The following PUM1 variants were observed in gnomAD, a reference collection of about 807,000 sequenced individuals.
The protein encoded by PUM1 is pumilio homolog 1.
PUM1 carries 13 observed loss-of-function variants against 131.8 expected under a neutral mutation model. The observed-to-expected ratio is 0.10, with a 90% CI of 0.06 to 0.16. PUM1 has a LOEUF of 0.16. PUM1 is among the 10% of genes least tolerant of loss of function. The pLI is 1.00. For missense variants in PUM1, 961 were observed against 1,512.4 expected, an observed-to-expected ratio of 0.64 and a Z score of 6.05; for synonymous variants, 509 against 556.5, an observed-to-expected ratio of 0.91 and a Z score of 1.20.
chr1:31,026,066 A>G (rs1177012019), intron 3 of PUM1, among the ~76,000 whole-genome samples: 1 of 152,016 alleles, frequency 6.6e-6, no homozygotes, highest in Non-Finnish European at 1.5e-5. Context: ...AGCCTGGGCA[A>G]CACAGTGAAA....
At chr1:30,933,427 A>G (rs1639039548) in intron 21 of PUM1, 85 bp from the exon 22 acceptor site, 1 of 978,354 alleles carries the variant, frequency 1.0e-6, no homozygotes, top group African/African-American at 1.7e-5. Flanking sequence ...CATGTCATGC[A>G]TCACACACAC....
Position 30,967,217 on chromosome 1 carries a change from C to T in PUM1, c.1739G>A (p.Arg580Gln). The change falls in exon 12 of 22, where the codon CGA becomes CAA. Residue 580 changes from arginine (R) to glutamine (Q), a missense_variant. Around this residue, in one of 4 missense-constraint regions of PUM1, gnomAD observed 654 missense variants for 923.9 expected, o/e 0.71. Coordinates refer to ENST00000426105, the MANE Select transcript of PUM1 (RefSeq NM_001020658.2). The stretch of plus-strand genomic sequence containing the variant: ...GATGACTGGGGCAGGAGCTACAAGT[C>T]GAACAGGAGCTCCAAGACCATTTCT... ...GARNGLGAPVRLVAPAPVIIS... is the reference protein window; with the variant it reads ...GARNGLGAPVQLVAPAPVIIS... 2 of 1,614,054 alleles carry T rather than the reference C, an allele frequency of 1.2e-6. No homozygotes were observed. Among genetic ancestry groups the T allele is most frequent in the South Asian group, 1.1e-5 (1 of 91,072 alleles).
At chr1:30,969,328 A>C (rs1244110996) in intron 10 of PUM1, among the ~76,000 whole-genome samples, 1 of 146,736 alleles carries the variant, frequency 6.8e-6, no homozygotes, top group African/African-American at 2.5e-5. Context: ...AAAAAAAAAA[A>C]AAAAAAAAGA....
intron 9 of PUM1, 121 bp downstream of exon 9, chr1:30,979,941 T>C (rs41307900): frequency 0.013 from 9,080 of 678,146 alleles, 83 homozygotes; most frequent in Admixed American, 0.022. Flanking sequence ...GTAGATGGCA[T>C]TGAAAATCTG....
intron 14 of PUM1, among the ~76,000 whole-genome samples, chr1:30,957,979 A>C (rs1308405440): frequency 6.6e-6 from 1 of 152,254 alleles, no homozygotes; most frequent in African/African-American, 2.4e-5. Flanking sequence ...TAATTGTCAC[A>C]TGGTTGGTTT....
chr1:30,953,903 G>A lies in PUM1; in HGVS notation c.2402C>T (p.Ala801Val), dbSNP rs571532166. 4.3e-6 allele frequency: 7 copies of A among 1,614,210 alleles called. No individual in the cohort carries two copies. The Admixed American group carries it at 1.2e-4, about 27-fold the overall frequency. Residue 801 changes from alanine (A) to valine (V), a missense_variant, in exon 15 of 22, where the codon GCC becomes GTC. Ala to Val is a moderately conservative substitution (Grantham distance 64). Transcript: ENST00000426105. ...GCTGCTCGGGCTGAAGAGGCTGGAG[G>A]CGCTGCTTGCACTGCGGTACTTGGC... Reference protein sequence around the residue: ...AEAKYRSASSASSLFSPSSTL... With the variant: ...AEAKYRSASSVSSLFSPSSTL...
chr1:31,040,621 C>T (rs1409783911), intron 2 of PUM1, among the ~76,000 whole-genome samples: 1 of 152,094 alleles, frequency 6.6e-6, no homozygotes, highest in Admixed American at 6.6e-5. Flanking sequence ...GACCAAAACA[C>T]AAAAGACAGC....
At chr1:31,015,759 C>T (rs559713766) in intron 3 of PUM1, among the ~76,000 whole-genome samples, 1 of 151,322 alleles carries the variant, frequency 6.6e-6, no homozygotes, top group South Asian at 2.1e-4. Context: ...CCGCAACCTC[C>T]GCCTCCTGGG....
Position 30,964,950 on chromosome 1 carries a change from G to C in PUM1, c.2087-40C>G, listed in dbSNP as rs1000681860. 2.6e-6 allele frequency: 4 copies of C among 1,546,492 alleles called. No individual in the cohort carries two copies. The African/African-American group carries it at 4.1e-5, about 16-fold the overall frequency. On this transcript the variant is annotated intron_variant, in intron 13 of 21. Transcript: ENST00000426105. ...AAACAATGCAGATAAGAACAGGCCTGTTCTTCGAAGAACAAGCCCAGTGAC... is the reference window on the plus strand; with the variant it reads ...AAACAATGCAGATAAGAACAGGCCTCTTCTTCGAAGAACAAGCCCAGTGAC...
chr1:30,964,355 G>C (rs1409473440), intron 14 of PUM1, among the ~76,000 whole-genome samples: 1 of 152,150 alleles, frequency 6.6e-6, no homozygotes, highest in East Asian at 1.9e-4. Context: ...TTCTGTCTCT[G>C]TGTTTCCTAG....
At chr1:31,021,504 G>A (rs1412865458) in intron 3 of PUM1, among the ~76,000 whole-genome samples, 2 of 152,126 alleles carry the variant, frequency 1.3e-5, no homozygotes, top group Non-Finnish European at 2.9e-5. Context: ...TGTTTACAAA[G>A]CACATTATTA....
At chr1:30,971,883 G>A (rs1422753271) in intron 10 of PUM1, among the ~76,000 whole-genome samples, 1 of 152,120 alleles carries the variant, frequency 6.6e-6, no homozygotes, top group Non-Finnish European at 1.5e-5. Context: ...TCTTCCAAAT[G>A]CATAATAATT....
chr1:30,960,611 T>C (rs1162456529), intron 14 of PUM1, among the ~76,000 whole-genome samples: 2 of 152,022 alleles, frequency 1.3e-5, no homozygotes, highest in Admixed American at 1.3e-4. Flanking sequence ...CAATAGTCTA[T>C]CAAAAGATAA....
chr1:30,949,705 C>G (rs930119187), intron 17 of PUM1, among the ~76,000 whole-genome samples: 2 of 152,044 alleles, frequency 1.3e-5, no homozygotes, highest in Non-Finnish European at 2.9e-5. Context: ...AGGCTATGCA[C>G]CATGCTGGGC....
intron 7 of PUM1, 68 bp from the exon 8 acceptor site, chr1:30,981,473 T>C: frequency 9.9e-7 from 1 of 1,012,152 alleles, no homozygotes; most frequent in South Asian, 1.6e-5. Flanking sequence ...AAAACCTCTC[T>C]GACTAAAAAT....
At position 30,967,174 on chromosome 1, in the gene PUM1, T is replaced by C. The variant is rs1458574703; in HGVS notation, c.1782A>G (p.Ala594=). Residue 594 remains alanine, a synonymous_variant, in exon 12 of 22, where the codon GCA becomes GCG. Transcript: ENST00000426105. ...PAPVIISSSA[A]QAAVAAAAAS... ...ACTCAGATGTGCGCTCACCTGCTTG[T>C]GCAGCTGAGGAACTAATGATGACTG... is the stretch of plus-strand genomic sequence containing the variant. 1 of 1,614,156 alleles carries C rather than the reference T, an allele frequency of 6.2e-7. No homozygotes were observed. Among genetic ancestry groups the C allele is most frequent in the Middle Eastern group, 1.7e-4 (1 of 6,058 alleles).
chr1:30,978,926 G>A (rs541939434), intron 9 of PUM1, among the ~76,000 whole-genome samples: 2 of 152,158 alleles, frequency 1.3e-5, no homozygotes, highest in South Asian at 2.1e-4. Flanking sequence ...CAACGCTGGC[G>A]AGACCACCCC....
rs138406580 is a variant in PUM1 at position 30,953,180 on chromosome 1, C to G, written c.2591+534G>C. Among the ~76,000 whole-genome samples, 114 of 152,184 alleles carry G rather than the reference C, an allele frequency of 7.5e-4. 1 individual carries two copies. Among genetic ancestry groups the G allele is most frequent in the African/African-American group, 2.6e-3 (108 of 41,518 alleles). ...CTGGCAGAACTTAAGGAGGAGGTAG[C>G]TTCTGTAGAAACTGTTTCACTGGAC... On this transcript the variant is annotated intron_variant, in intron 15 of 21. Transcript: ENST00000426105.
At chr1:31,063,809 TAA>T (rs1178695437) in intron 1 of PUM1, among the ~76,000 whole-genome samples, 1 of 152,170 alleles carries the variant, frequency 6.6e-6, no homozygotes, top group Non-Finnish European at 1.5e-5. Context: ...CTGCTTTACC[TAA>T]AGAGGCAAGG....
Sources: gnomAD v4.1 joint callset for allele counts (sites outside exome capture counted in the v4.1 genomes callset) on GRCh38, gnomAD v4.1.1 for gene constraint, gnomAD v4.1.1 regional missense constraint, MANE v1.5 for transcripts, NCBI Gene and HGNC (gene_info 2026-07-23, HGNC 2026-07-21) for gene names.